The following DLGAP4 variants were observed in gnomAD, a reference collection of about 807,000 sequenced individuals.
DLGAP4 encodes the protein DLG associated protein 4.
Under a neutral mutation model 86.9 loss-of-function variants are expected in DLGAP4, and 18 were observed. That is an observed-to-expected ratio of 0.21 (90% CI 0.14 to 0.31). The LOEUF (loss-of-function observed/expected upper bound fraction) is 0.31, where lower values mean the gene tolerates loss of function less well. Ranked by LOEUF, DLGAP4 falls within the 10% of genes least tolerant of loss-of-function variation. DLGAP4 has a pLI of 1.00. For missense variants in DLGAP4, 1,085 were observed against 1,362.6 expected, an observed-to-expected ratio of 0.80 and a Z score of 3.21; for synonymous variants, 548 against 574.3, an observed-to-expected ratio of 0.95 and a Z score of 0.65.
intron 2 of DLGAP4, among the ~76,000 whole-genome samples, chr20:36,428,096 C>T (rs979618489): frequency 2.0e-5 from 3 of 152,048 alleles, no homozygotes; most frequent in Non-Finnish European, 1.5e-5. Context: ...ACGTCCAACT[C>T]AAAAAGGTGG....
intron 8 of DLGAP4, chr20:36,499,318 C>T: frequency 6.2e-7 from 1 of 1,613,614 alleles, no homozygotes; most frequent in Non-Finnish European, 8.5e-7. Context: ...GCACCCTCCT[C>T]AGAGTAGGGA....
intron 7 of DLGAP4, among the ~76,000 whole-genome samples, chr20:36,474,812 A>G (rs1422591750): frequency 1.3e-5 from 2 of 152,290 alleles, no homozygotes; most frequent in African/African-American, 2.4e-5. Context: ...TCTCTTTCCA[A>G]ACAATCAGCC....
chr20:36,385,205 CAG>C (rs2031551766), intron 2 of DLGAP4, among the ~76,000 whole-genome samples: 2 of 152,190 alleles, frequency 1.3e-5, no homozygotes, highest in Non-Finnish European at 1.5e-5. Flanking sequence ...GTGTCACAAA[CAG>C]GGGCTGTGTG....
intron 1 of DLGAP4, among the ~76,000 whole-genome samples, chr20:36,313,281 C>A (rs1197722559): frequency 6.6e-6 from 1 of 152,168 alleles, no homozygotes; most frequent in Non-Finnish European, 1.5e-5. Context: ...TTCTTCCCAC[C>A]ACCCCCAGCT....
At chr20:36,442,634 G>C (rs764492651) in intron 5 of DLGAP4, 93 bp from the exon 6 acceptor site, 1 of 1,432,246 alleles carries the variant, frequency 7.0e-7, no homozygotes, top group African/African-American at 1.4e-5. Flanking sequence ...GGTTAGACCA[G>C]CCAGCTTCAA....
chr20:36,492,906 T>G (rs558426071), intron 7 of DLGAP4: 1 of 152,278 alleles, frequency 6.6e-6, no homozygotes, highest in South Asian at 2.1e-4. Flanking sequence ...TCTCTGCTGG[T>G]GGCCATAGAT....
chr20:36,401,597 C>T (rs2032162589), intron 2 of DLGAP4, among the ~76,000 whole-genome samples: 2 of 152,364 alleles, frequency 1.3e-5, no homozygotes, highest in South Asian at 4.1e-4. Flanking sequence ...AACAGTCCCT[C>T]AGTAGCTGCT....
intron 10 of DLGAP4, among the ~76,000 whole-genome samples, chr20:36,519,539 C>T (rs1463938878): frequency 6.6e-6 from 1 of 152,156 alleles, no homozygotes; most frequent in Non-Finnish European, 1.5e-5. Flanking sequence ...TACTGTGAGT[C>T]AAACTGCTAT....
intron 1 of DLGAP4, among the ~76,000 whole-genome samples, chr20:36,334,685 G>A (rs1420915487): frequency 6.6e-6 from 1 of 152,190 alleles, no homozygotes; most frequent in Non-Finnish European, 1.5e-5. Flanking sequence ...CTAGGTGAAG[G>A]GCAAGGAAGG....
chr20:36,508,486 G>A (rs527515380), intron 10 of DLGAP4, among the ~76,000 whole-genome samples: 7 of 147,542 alleles, frequency 4.7e-5, no homozygotes, highest in African/African-American at 1.8e-4. Context: ...GAGTGCAATG[G>A]CGCGATCTCG....
intron 1 of DLGAP4, among the ~76,000 whole-genome samples, chr20:36,329,635 G>A (rs1453105172): frequency 3.3e-5 from 5 of 152,224 alleles, no homozygotes; most frequent in Non-Finnish European, 1.5e-5. Context: ...AGTGGCTCAT[G>A]CCTGTAATCC....
chr20:36,501,883 A>G (rs2036158732), intron 10 of DLGAP4, among the ~76,000 whole-genome samples: 1 of 152,212 alleles, frequency 6.6e-6, no homozygotes, highest in African/African-American at 2.4e-5. Flanking sequence ...TTTTTACAAT[A>G]ATAGTATTTT....
intron 10 of DLGAP4, among the ~76,000 whole-genome samples, chr20:36,507,447 T>TG (rs1350259196): frequency 1.3e-5 from 2 of 152,260 alleles, no homozygotes; most frequent in East Asian, 1.9e-4. Context: ...AGGCTGGTCT[T>TG]GAACTCCTGA....
chr20:36,507,220 T>G (rs550479403), intron 10 of DLGAP4, among the ~76,000 whole-genome samples: 2 of 152,044 alleles, frequency 1.3e-5, no homozygotes, highest in Non-Finnish European at 1.5e-5. Flanking sequence ...TTGTTTTTTT[T>G]TTGTTTTGTT....
At chr20:36,359,864 G>C (rs568964549) in intron 1 of DLGAP4, among the ~76,000 whole-genome samples, 2 of 152,270 alleles carry the variant, frequency 1.3e-5, no homozygotes, top group East Asian at 1.9e-4. Flanking sequence ...ATCGGGCACT[G>C]GGGGCTGATC....
chr20:36,410,505 A>C (rs1193683261), intron 2 of DLGAP4, among the ~76,000 whole-genome samples: 3 of 152,192 alleles, frequency 2.0e-5, no homozygotes, highest in Non-Finnish European at 2.9e-5. Context: ...TAAAGAAAAG[A>C]GCTTTAATTG....
chr20:36,324,160 C>T (rs2065195477), intron 1 of DLGAP4, among the ~76,000 whole-genome samples: 1 of 152,142 alleles, frequency 6.6e-6, no homozygotes, highest in Non-Finnish European at 1.5e-5. Flanking sequence ...GGCACGGTGG[C>T]TCATACCTGT....
intron 2 of DLGAP4, among the ~76,000 whole-genome samples, chr20:36,378,710 G>A (rs746320671): frequency 5.9e-5 from 9 of 151,994 alleles, no homozygotes; most frequent in Non-Finnish European, 8.8e-5. Flanking sequence ...TTTGATGGGC[G>A]AAAGGGAAGA....
At chr20:36,496,414 C>G (rs577243055) in intron 7 of DLGAP4, among the ~76,000 whole-genome samples, 1 of 152,170 alleles carries the variant, frequency 6.6e-6, no homozygotes, top group Non-Finnish European at 1.5e-5. Flanking sequence ...AGTACATGCC[C>G]CTGCTGGATA....
Sources: allele counts gnomAD v4.1 joint callset (sites outside exome capture counted in the v4.1 genomes callset), GRCh38; gene constraint gnomAD v4.1.1; transcripts MANE v1.5; gene names NCBI Gene and HGNC (gene_info 2026-07-23, HGNC 2026-07-21).